The following RASGRP3 variants were observed in gnomAD, a reference collection of about 807,000 sequenced individuals.
RASGRP3 encodes ras guanyl-releasing protein 3.
Under a neutral mutation model 82.7 loss-of-function variants are expected in RASGRP3, and 54 were observed. The observed-to-expected ratio is 0.65, with a 90% confidence interval of 0.52 to 0.82. The LOEUF (loss-of-function observed/expected upper bound fraction) is 0.82, where lower values mean the gene tolerates loss of function less well. RASGRP3 is among the 40% of genes least tolerant of loss of function. The pLI is 0.00. For synonymous variants in RASGRP3, 309 were observed against 300.5 expected, an observed-to-expected ratio of 1.03 and a Z score of -0.29; for missense variants, 861 against 828.9, an observed-to-expected ratio of 1.04 and a Z score of -0.48.
At chr2:33,548,213 T>C (rs1221378658) in intron 13 of RASGRP3, among the ~76,000 whole-genome samples, 3 of 151,146 alleles carry the variant, frequency 2.0e-5, no homozygotes, top group Non-Finnish European at 4.4e-5. Context: ...TACAAAAAAT[T>C]AGCTGGGCGC....
chr2:33,500,784 A>C (rs984740168), intron 1 of RASGRP3, among the ~76,000 whole-genome samples: 2 of 152,136 alleles, frequency 1.3e-5, no homozygotes, highest in Non-Finnish European at 2.9e-5. Flanking sequence ...AAATACAAAA[A>C]GTAGCCGGAC....
At chr2:33,542,204 T>C (rs926918259) in intron 12 of RASGRP3, among the ~76,000 whole-genome samples, 1 of 147,534 alleles carries the variant, frequency 6.8e-6, no homozygotes, top group African/African-American at 2.4e-5. Context: ...CAACAGCAGT[T>C]ATTGGATAAT....
intron 1 of RASGRP3, among the ~76,000 whole-genome samples, chr2:33,502,743 G>C (rs1669995157): frequency 6.6e-6 from 1 of 152,132 alleles, no homozygotes; most frequent in South Asian, 2.1e-4. Context: ...CCGAACTCCT[G>C]ACCTCAGGTG....
rs773283474 is a variant in RASGRP3 at position 33,558,992 on chromosome 2, G to A, written c.2026G>A (p.Asp676Asn). Residue 676 changes from aspartate (D) to asparagine (N), a missense_variant, in exon 17 of 18, where the codon GAC becomes AAC. Transcript: ENST00000403687. ...AGACCGGGGCACGGAGTTTGAACTT[G>A]ACCAGGATGAAGGAGAAGAGACCAG... ...VVDRGTEFEL[D>N]QDEGEETRQD... The A allele has an allele frequency of 5.6e-6, 9 of 1,613,284 alleles. No individual in the cohort carries two copies. The highest frequency in any genetic ancestry group is 5.0e-5 in the Admixed American group (3 of 59,908).
intron 14 of RASGRP3, among the ~76,000 whole-genome samples, chr2:33,552,080 C>A (rs1460632647): frequency 6.6e-6 from 1 of 152,228 alleles, no homozygotes; most frequent in Non-Finnish European, 1.5e-5. Context: ...TGTCCTGCCC[C>A]TCCCTTTTAC....
chr2:33,463,761 G>A (rs1442837989), intron 2 of RASGRP3, among the ~76,000 whole-genome samples: 1 of 151,704 alleles, frequency 6.6e-6, no homozygotes, highest in Non-Finnish European at 1.5e-5. Context: ...CGCCACACCT[G>A]GCTATTTTTT....
At chr2:33,512,476 T>C (rs775973556) in intron 2 of RASGRP3, among the ~76,000 whole-genome samples, 1 of 152,220 alleles carries the variant, frequency 6.6e-6, no homozygotes, top group Non-Finnish European at 1.5e-5. Context: ...AGGGTACTGA[T>C]AGAGTTTACA....
intron 2 of RASGRP3, among the ~76,000 whole-genome samples, chr2:33,459,373 A>G (rs1666226563): frequency 6.6e-6 from 1 of 152,142 alleles, no homozygotes; most frequent in African/African-American, 2.4e-5. Context: ...TGACTTCATG[A>G]TCCGCCTGCC....
At position 33,558,193 on chromosome 2, in the gene RASGRP3, ACC is replaced by A. The variant is rs1231561273; in HGVS notation, c.1580-16_1580-15del. ...ATCAGACACACTAATCATCTGCGACACCCTTGGAATTTTTCAGACTGTGGAGC... is the reference window on the plus strand; with the variant it reads ...ATCAGACACACTAATCATCTGCGACACTTGGAATTTTTCAGACTGTGGAGC... On this transcript the variant is annotated splice_polypyrimidine_tract_variant and intron_variant, in intron 15 of 17. Coordinates refer to ENST00000403687, the MANE Select transcript of RASGRP3 (RefSeq NM_001139488.2). The A allele has an allele frequency of 6.2e-7, 1 of 1,606,848 alleles. No individual in the cohort carries two copies. Among genetic ancestry groups the A allele is most frequent in the Non-Finnish European group, 8.5e-7 (1 of 1,176,632 alleles).
chr2:33,548,347 C>T (rs1574481460), intron 13 of RASGRP3, among the ~76,000 whole-genome samples: 1 of 107,842 alleles, frequency 9.3e-6, no homozygotes. Context: ...GGCTAAAGAG[C>T]GGGACTCCGT....
chr2:33,514,690 C>G (rs1281038251), intron 2 of RASGRP3, among the ~76,000 whole-genome samples: 1 of 151,618 alleles, frequency 6.6e-6, no homozygotes, highest in East Asian at 1.9e-4. Flanking sequence ...GAGACTCTGT[C>G]TCAAAAACAA....
chr2:33,448,351 A>C (rs1665609973), intron 2 of RASGRP3, among the ~76,000 whole-genome samples: 1 of 152,228 alleles, frequency 6.6e-6, no homozygotes, highest in Non-Finnish European at 1.5e-5. Context: ...TCTGTGGTAC[A>C]CTAATGTTCA....
intron 10 of RASGRP3, among the ~76,000 whole-genome samples, chr2:33,530,584 G>T (rs1312002785): frequency 1.3e-5 from 2 of 150,658 alleles, no homozygotes; most frequent in African/African-American, 4.9e-5. Context: ...CCCAGCCTGG[G>T]CCGGGTTCCC....
intron 11 of RASGRP3, among the ~76,000 whole-genome samples, chr2:33,537,320 A>ACACCCCC (rs771052774): frequency 4.2e-4 from 14 of 33,316 alleles, no homozygotes; most frequent in Non-Finnish European, 6.2e-4. Context: ...ACACACACAC[A>ACACCCCC]CCGCCCCCCC....
intron 2 of RASGRP3, among the ~76,000 whole-genome samples, chr2:33,457,564 C>G (rs1666107307): frequency 6.6e-6 from 1 of 151,350 alleles, no homozygotes; most frequent in Admixed American, 6.6e-5. Context: ...TTTTAGGTTC[C>G]TTCCTTCCTT....
intron 10 of RASGRP3, among the ~76,000 whole-genome samples, chr2:33,529,859 CA>C (rs57240539): frequency 0.19 from 28,179 of 151,998 alleles, 2,895 homozygotes; most frequent in East Asian, 0.3. Context: ...AATAAGGAAC[CA>C]AGAGTCAACT....
At chr2:33,485,958 A>G (rs1299464362) in intron 1 of RASGRP3, among the ~76,000 whole-genome samples, 1 of 152,204 alleles carries the variant, frequency 6.6e-6, no homozygotes, top group Non-Finnish European at 1.5e-5. Context: ...TGTGGAAGAG[A>G]GGCTAATATA....
upstream of RASGRP3, among the ~76,000 whole-genome samples, chr2:33,475,808 A>G (rs1667325782): frequency 6.6e-6 from 1 of 152,192 alleles, no homozygotes; most frequent in Non-Finnish European, 1.5e-5. Context: ...AGAAAACGGC[A>G]GTTTGCTCCA....
chr2:33,497,262 A>G (rs981356763), intron 1 of RASGRP3, among the ~76,000 whole-genome samples: 2 of 152,216 alleles, frequency 1.3e-5, no homozygotes, highest in Non-Finnish European at 2.9e-5. Flanking sequence ...CCTGAACTGG[A>G]GATTAGAAAC....
Sources: allele counts gnomAD v4.1 joint callset (sites outside exome capture counted in the v4.1 genomes callset), GRCh38; gene constraint gnomAD v4.1.1; transcripts MANE v1.5; gene names NCBI Gene and HGNC (gene_info 2026-07-23, HGNC 2026-07-21).